The following LYPD6 variants were observed in gnomAD, a reference collection of about 807,000 sequenced individuals.
LYPD6 encodes the protein ly6/PLAUR domain-containing protein 6.
In LYPD6, 15 loss-of-function variants were observed where a neutral mutation model predicts 22.7. The observed-to-expected ratio is 0.66, with a 90% CI of 0.44 to 1.02. LYPD6 has a LOEUF of 1.02. Ranked by LOEUF, LYPD6 falls within the 50% of genes least tolerant of loss-of-function variation. The pLI is 0.00. For missense variants in LYPD6, 189 were observed against 208.4 expected (o/e 0.91, Z 0.57); for synonymous variants, 72 against 77.5 (o/e 0.93, Z 0.37).
intron 1 of LYPD6, among the ~76,000 whole-genome samples, chr2:149,363,643 G>A (rs1243286649): frequency 1.3e-5 from 2 of 152,196 alleles, no homozygotes; most frequent in Admixed American, 1.3e-4. Flanking sequence ...ACCTAGATCT[G>A]TGTGCCTGTC....
rs185044893 is a variant in LYPD6, at chr2:149,457,048, G to C, written c.217+7901G>C. Among the ~76,000 whole-genome samples the C allele has an allele frequency of 2.6e-5, 4 of 152,272 alleles. No homozygotes were observed. The East Asian group carries it at 7.7e-4, about 29-fold the overall frequency. ...TAATTGACATTTTTACAGCGTGTTT[G>C]TACAAATAGTTCTTCTATGCACGTT... On this transcript the variant is annotated intron_variant, in intron 3 of 4. Coordinates refer to ENST00000334166, the MANE Select transcript of LYPD6 (RefSeq NM_194317.5).
intron 1 of LYPD6, among the ~76,000 whole-genome samples, chr2:149,340,377 A>G (rs1380061005): frequency 6.6e-6 from 1 of 152,164 alleles, no homozygotes; most frequent in Non-Finnish European, 1.5e-5. Flanking sequence ...TAATAACAGC[A>G]TTTATTACCC....
intron 1 of LYPD6, among the ~76,000 whole-genome samples, chr2:149,366,263 A>T (rs894902838): frequency 1.3e-5 from 2 of 152,146 alleles, no homozygotes. Context: ...TAGATTCATT[A>T]GTCTCTGATT....
At chr2:149,485,646 C>A in the LYPD6 span, among the ~76,000 whole-genome samples, 6 of 152,160 alleles carry the variant, frequency 3.9e-5, no homozygotes, top group Non-Finnish European at 8.8e-5. Flanking sequence ...TTGGATCCTG[C>A]CAGAGCCCAG....
In LYPD6 at chr2:149,444,727, A is replaced by G. The variant is rs557988048; in HGVS notation, c.119-4322A>G. Among the ~76,000 whole-genome samples the G allele has an allele frequency of 1.1e-4, 17 of 152,220 alleles. No homozygotes were observed. In the South Asian group the frequency reaches 3.3e-3, roughly 30 times the overall value. ...TTCTATTATGAGATTACAGCAGTTC[A>G]GTCACCTTTTCAGGCTCCGCTTCTA... On this transcript the variant is annotated intron_variant, in intron 2 of 4. Transcript: ENST00000334166.
intron 1 of LYPD6, among the ~76,000 whole-genome samples, chr2:149,376,151 T>C (rs780956792): frequency 3.3e-5 from 5 of 152,144 alleles, no homozygotes; most frequent in Non-Finnish European, 7.4e-5. Flanking sequence ...CCGGGATGTG[T>C]GGTTTGCCCT....
intron 1 of LYPD6, among the ~76,000 whole-genome samples, chr2:149,338,135 T>C (rs1467968135): frequency 6.6e-6 from 1 of 152,244 alleles, no homozygotes; most frequent in Non-Finnish European, 1.5e-5. Context: ...TGTGTTTTTA[T>C]GTAGAACAAT....
At chr2:149,401,861 C>T (rs933712932) in intron 1 of LYPD6, among the ~76,000 whole-genome samples, 4 of 151,856 alleles carry the variant, frequency 2.6e-5, no homozygotes, top group African/African-American at 9.7e-5. Flanking sequence ...TCCCTTGCCA[C>T]CCCCCACCCC....
At chr2:149,331,275 G>A (rs1680933559) in intron 1 of LYPD6, among the ~76,000 whole-genome samples, 2 of 152,192 alleles carry the variant, frequency 1.3e-5, no homozygotes, top group Non-Finnish European at 1.5e-5. Context: ...GACAACCCAG[G>A]GAAGGGACCA....
chr2:149,469,544 T>C (rs1309365974), intron 4 of LYPD6, among the ~76,000 whole-genome samples: 1 of 152,176 alleles, frequency 6.6e-6, no homozygotes, highest in Non-Finnish European at 1.5e-5. Flanking sequence ...CCATTCTCAA[T>C]ACCTGGGAAC....
Position 149,333,237 on chromosome 2 carries a change from A to G in LYPD6, c.-72+2515A>G, listed in dbSNP as rs147130340. 4.3e-4 allele frequency among the ~76,000 whole-genome samples: 65 copies of G among 152,332 alleles called. 1 individual carries two copies. The highest frequency in any genetic ancestry group is 1.6e-3 in the African/African-American group (65 of 41,578). ...AGCAGAAGACATTGGTTAGAGAGAAATCATATTTTTACTTGCAAAGCTAGC... is the reference window on the plus strand; with the variant it reads ...AGCAGAAGACATTGGTTAGAGAGAAGTCATATTTTTACTTGCAAAGCTAGC... On this transcript the variant is annotated intron_variant, in intron 1 of 4. Coordinates refer to ENST00000334166, the MANE Select transcript of LYPD6 (RefSeq NM_194317.5).
chr2:149,477,949 A>G (rs1681469138), downstream of LYPD6, among the ~76,000 whole-genome samples: 1 of 152,164 alleles, frequency 6.6e-6, no homozygotes, highest in Admixed American at 6.5e-5. Flanking sequence ...CTGTAGGTAA[A>G]TATAACTTGC....
At chr2:149,452,553 G>A (rs528168968) in intron 3 of LYPD6, among the ~76,000 whole-genome samples, 2 of 152,014 alleles carry the variant, frequency 1.3e-5, no homozygotes. Context: ...GGGTTTTTTT[G>A]GTTTGCTTTG....
chr2:149,343,652 A>G (rs1681202654), intron 1 of LYPD6, among the ~76,000 whole-genome samples: 1 of 152,230 alleles, frequency 6.6e-6, no homozygotes, highest in Non-Finnish European at 1.5e-5. Context: ...TAGAGGAGGT[A>G]ACTTTTTCCT....
At chr2:149,346,304 C>T (rs1477743007) in intron 1 of LYPD6, among the ~76,000 whole-genome samples, 1 of 152,008 alleles carries the variant, frequency 6.6e-6, no homozygotes, top group Admixed American at 6.6e-5. Flanking sequence ...AAAGTTTTTA[C>T]ACAGATTTCA....
chr2:149,452,859 T>C (rs1680867272), intron 3 of LYPD6, among the ~76,000 whole-genome samples: 5 of 152,192 alleles, frequency 3.3e-5, no homozygotes, highest in Admixed American at 3.3e-4. Context: ...AATCACTCTT[T>C]TGGCAGTGGC....
At chr2:149,372,322 A>G (rs1681830413) in intron 1 of LYPD6, among the ~76,000 whole-genome samples, 1 of 152,206 alleles carries the variant, frequency 6.6e-6, no homozygotes, top group Non-Finnish European at 1.5e-5. Context: ...TACTTTGCTT[A>G]TGCTATTGTA....
At chr2:149,457,644 C>T (rs1240595636) in intron 3 of LYPD6, among the ~76,000 whole-genome samples, 1 of 152,156 alleles carries the variant, frequency 6.6e-6, no homozygotes, top group Admixed American at 6.5e-5. Flanking sequence ...AAATGTCCTA[C>T]AATTCACAGA....
At chr2:149,384,853 A>T (rs983972429) in intron 1 of LYPD6, among the ~76,000 whole-genome samples, 1 of 151,464 alleles carries the variant, frequency 6.6e-6, no homozygotes, top group Admixed American at 6.6e-5. Flanking sequence ...AGCATTAGGT[A>T]TATCTCCTAA....
Sources: gnomAD v4.1 joint callset for allele counts (sites outside exome capture counted in the v4.1 genomes callset) on GRCh38, gnomAD v4.1.1 for gene constraint, MANE v1.5 for transcripts, NCBI Gene and HGNC (gene_info 2026-07-23, HGNC 2026-07-21) for gene names.